Variants in MICAL3 observed in about 807,000 individuals in gnomAD.
MICAL3 encodes microtubule associated monooxygenase, calponin and LIM domain containing 3.
A neutral mutation model predicts 207.4 loss-of-function variants in MICAL3; 62 were observed. The observed-to-expected ratio is 0.30, with a 90% CI of 0.24 to 0.37. The LOEUF (loss-of-function observed/expected upper bound fraction) is 0.37, where lower values mean the gene tolerates loss of function less well. MICAL3 is among the 10% of genes least tolerant of loss of function. The pLI is 1.00. For missense variants in MICAL3, 2,368 were observed against 2,635.6 expected (o/e 0.90, Z 2.22); for synonymous variants, 1,077 against 1,069.3 (o/e 1.01, Z -0.14).
chr22:17,971,359 T>C (rs2593207), intron 1 of MICAL3, among the ~76,000 whole-genome samples: 35,902 of 151,766 alleles, frequency 0.24, 4,824 homozygotes, highest in East Asian at 0.52. Context: ...TCCCAGCTAC[T>C]TGGGAGGCTG....
chr22:17,941,891 G>C (rs1385003004), intron 1 of MICAL3, among the ~76,000 whole-genome samples: 1 of 152,156 alleles, frequency 6.6e-6, no homozygotes, highest in African/African-American at 2.4e-5. Flanking sequence ...GCCCAGGAGG[G>C]GGAAAGCAGA....
At chr22:17,819,770 T>C (rs1042826148) in intron 25 of MICAL3, among the ~76,000 whole-genome samples, 1 of 151,364 alleles carries the variant, frequency 6.6e-6, no homozygotes, top group Non-Finnish European at 1.5e-5. Context: ...AAATCCCGTC[T>C]CTACTAAAAA....
intron 27 of MICAL3, chr22:17,815,265 T>G (rs1441752692): frequency 6.6e-6 from 1 of 152,250 alleles, no homozygotes; most frequent in Non-Finnish European, 1.5e-5. Flanking sequence ...AGTACCAGCC[T>G]TGGCACAGCC....
At chr22:17,925,665 T>A (rs1312999602) in intron 1 of MICAL3, among the ~76,000 whole-genome samples, 3 of 152,144 alleles carry the variant, frequency 2.0e-5, no homozygotes, top group African/African-American at 7.2e-5. Flanking sequence ...TTAAACAATT[T>A]TTTTTTAAGT....
chr22:17,864,514 G>T, intron 19 of MICAL3: 2 of 1,433,308 alleles, frequency 1.4e-6, no homozygotes, highest in African/African-American at 2.9e-5. Context: ...GCCTCACCAG[G>T]GCGGGTGATG....
intron 29 of MICAL3, among the ~76,000 whole-genome samples, chr22:17,807,680 C>T (rs906297838): frequency 6.6e-6 from 1 of 152,192 alleles, no homozygotes; most frequent in Non-Finnish European, 1.5e-5. Flanking sequence ...TCACTCCCCA[C>T]CACACAAACT....
chr22:17,799,899 T>TA (rs2061918756), intron 29 of MICAL3, among the ~76,000 whole-genome samples: 3 of 147,818 alleles, frequency 2.0e-5, no homozygotes, highest in Admixed American at 2.0e-4. Context: ...AATTACAATC[T>TA]AAAACACACA....
At chr22:17,940,183 T>G (rs943183216) in intron 1 of MICAL3, among the ~76,000 whole-genome samples, 2 of 152,260 alleles carry the variant, frequency 1.3e-5, no homozygotes, top group African/African-American at 2.4e-5. Context: ...TCAGGGCCAG[T>G]TGGATACAAC....
At position 17,979,443 on chromosome 22, in the gene MICAL3, T is replaced by C. The variant is rs1261831732; in HGVS notation, c.-75+44838A>G. On this transcript the variant is annotated intron_variant, in intron 1 of 31. Coordinates refer to ENST00000441493, the MANE Select transcript of MICAL3 (RefSeq NM_015241.3). ...GCCTGTAATCCCAGCTACTCGGGAG[T>C]GTGAGGCAGGAGAATCACTTGAACC... Among the ~76,000 whole-genome samples, 4 of 150,690 alleles carry C rather than the reference T, an allele frequency of 2.7e-5. No individual in the cohort carries two copies. The South Asian group carries it at 6.4e-4, about 24-fold the overall frequency.
chr22:17,979,793 A>AC (rs397962637), intron 1 of MICAL3, among the ~76,000 whole-genome samples: 45 of 135,378 alleles, frequency 3.3e-4, no homozygotes, highest in Admixed American at 2.8e-3. Context: ...ACAAAAAAAA[A>AC]CAAAAAAAAA....
chr22:17,808,265 G>A (rs2062008300), intron 29 of MICAL3, among the ~76,000 whole-genome samples: 1 of 152,258 alleles, frequency 6.6e-6, no homozygotes, highest in Non-Finnish European at 1.5e-5. Flanking sequence ...TCTGCTCCAC[G>A]TCGGCTGGTC....
At position 17,906,672 on chromosome 22, in the gene MICAL3, G is replaced by A. The variant is rs1172636438; in HGVS notation, c.141C>T (p.Arg47=). Residue 47 remains arginine, a synonymous_variant, in exon 2 of 32, where the codon CGC becomes CGT. Transcript: ENST00000441493. ...DHLELKPKDY[R]SFYHKLKSKL... is the part of the protein sequence containing the mutation. The stretch of plus-strand genomic sequence containing the variant: ...TGGACTTGAGCTTGTGATAGAAGGA[G>A]CGGTAGTCCTTTGGCTTTAGTTCCA... 5 of 1,613,976 alleles carry A rather than the reference G, an allele frequency of 3.1e-6. No individual in the cohort carries two copies. Among genetic ancestry groups the A allele is most frequent in the African/African-American group, 1.3e-5 (1 of 75,048 alleles).
At chr22:17,866,224 G>A (rs1390785821) in intron 17 of MICAL3, among the ~76,000 whole-genome samples, 1 of 152,146 alleles carries the variant, frequency 6.6e-6, no homozygotes, top group Non-Finnish European at 1.5e-5. Flanking sequence ...GCCTGAAGGG[G>A]GTCTTTTCCT....
intron 2 of MICAL3, among the ~76,000 whole-genome samples, chr22:17,906,221 C>T (rs1193787388): frequency 6.6e-6 from 1 of 152,224 alleles, no homozygotes; most frequent in Non-Finnish European, 1.5e-5. Context: ...TATGTAAATA[C>T]ATGAAACATG....
At chr22:17,832,170 G>T (rs1922874772) in intron 20 of MICAL3, 63 bp from the exon 21 acceptor site, 2 of 1,529,386 alleles carry the variant, frequency 1.3e-6, no homozygotes, top group East Asian at 4.9e-5. Flanking sequence ...AGGGGAAGGG[G>T]AAGGGCCACC....
rs758019211 is a variant in MICAL3, at chr22:17,827,715, T to C, written c.3122A>G (p.His1041Arg). Residue 1041 changes from histidine (H) to arginine (R), a missense_variant, in exon 22 of 32, where the codon CAC becomes CGC. By Grantham distance (29) the His-to-Arg change is conservative (BLOSUM62 0). This residue lies in a region of MICAL3 where 1,770 missense variants were observed against 1,863.2 expected (regional missense o/e 0.95). Coordinates refer to ENST00000441493, the MANE Select transcript of MICAL3 (RefSeq NM_015241.3). ...CTCTCTCTCACGGATATGAGTCCAGTGCACGTCAGCCTGGATCTCCAGAGG... is the reference window on the plus strand; with the variant it reads ...CTCTCTCTCACGGATATGAGTCCAGCGCACGTCAGCCTGGATCTCCAGAGG... Reference protein sequence around the residue: ...ADPLEIQADVHWTHIREREEE... With the variant: ...ADPLEIQADVRWTHIREREEE... 7.0e-6 allele frequency: 11 copies of C among 1,577,662 alleles called. No homozygotes were observed. The highest frequency in any genetic ancestry group is 1.2e-5 in the South Asian group (1 of 85,894).
intron 29 of MICAL3, chr22:17,803,421 G>T (rs942429443): frequency 1.3e-5 from 2 of 152,038 alleles, no homozygotes; most frequent in Non-Finnish European, 2.9e-5. Flanking sequence ...GCTTCTTTGC[G>T]TAAGTGTGGC....
intron 7 of MICAL3, among the ~76,000 whole-genome samples, chr22:17,897,422 CAAAAAA>C (rs71754131): frequency 2.4e-5 from 1 of 41,812 alleles, no homozygotes; most frequent in African/African-American, 8.6e-5. Flanking sequence ...GACTCCAACT[CAAAAAA>C]AAAAAAAAAA....
intron 1 of MICAL3, among the ~76,000 whole-genome samples, chr22:17,938,038 T>A (rs1219361646): frequency 1.3e-5 from 2 of 152,218 alleles, no homozygotes; most frequent in Non-Finnish European, 2.9e-5. Flanking sequence ...TTGCTGATTA[T>A]AGTATCTATC....
Sources: allele counts gnomAD v4.1 joint callset (sites outside exome capture counted in the v4.1 genomes callset), GRCh38; gene constraint gnomAD v4.1.1; regional missense constraint gnomAD v4.1.1; transcripts MANE v1.5; gene names NCBI Gene and HGNC (gene_info 2026-07-23, HGNC 2026-07-21).